PPME1: variants seen among roughly 807,000 people sequenced by gnomAD.
The protein encoded by PPME1 is protein phosphatase methylesterase 1, also known as testicular secretory protein Li 39.
PPME1 carries 17 observed loss-of-function variants against 56.9 expected under a neutral mutation model. That is an observed-to-expected ratio of 0.30 (90% CI 0.20 to 0.45). The LOEUF (loss-of-function observed/expected upper bound fraction) is 0.45. PPME1 is among the 20% of genes least tolerant of loss of function. The pLI is 1.00. For missense variants in PPME1, 357 were observed against 483.2 expected, an observed-to-expected ratio of 0.74 and a Z score of 2.45; for synonymous variants, 122 against 156.2, an observed-to-expected ratio of 0.78 and a Z score of 1.63.
Position 74,246,214 on chromosome 11 carries a change from A to T in PPME1, c.964+9A>T. ...ATTGCTGCTCTTGGCTGGTAAGTGT[A>T]TATGTGCATATATTAGTCAGCTCAG... On this transcript the variant is annotated intron_variant, in intron 10 of 13. Transcript: ENST00000328257. The T allele has an allele frequency of 6.5e-7, 1 of 1,546,702 alleles. No individual in the cohort carries two copies. The highest frequency in any genetic ancestry group is 8.7e-7 in the Non-Finnish European group (1 of 1,144,068).
At chr11:74,244,452 T>G (rs1178178475) in intron 9 of PPME1, among the ~76,000 whole-genome samples, 1 of 152,194 alleles carries the variant, frequency 6.6e-6, no homozygotes, top group Non-Finnish European at 1.5e-5. Flanking sequence ...TTGATAGTAG[T>G]CATCCTAATG....
chr11:74,235,745 A>G (rs76717847), intron 7 of PPME1, 156 bp from the exon 8 acceptor site: 6 of 1,168,346 alleles, frequency 5.1e-6, no homozygotes, highest in Non-Finnish European at 5.9e-6. Flanking sequence ...CCATGTAGCC[A>G]GGTGAGTAAT....
intron 8 of PPME1, chr11:74,238,057 CT>C (rs1859241518): frequency 6.6e-6 from 1 of 152,112 alleles, no homozygotes; most frequent in Non-Finnish European, 1.5e-5. Context: ...TGTGTATTAA[CT>C]GTCACATAGA....
In PPME1 at chr11:74,251,675, A is replaced by G. The variant is rs1859667604; in HGVS notation, c.1102A>G (p.Ile368Val). 6.2e-7 allele frequency: 1 copy of G among 1,613,762 alleles called. No individual in the cohort carries two copies. The highest frequency in any genetic ancestry group is 1.3e-5 in the African/African-American group (1 of 74,926). ...KVAEAVATFLIRHRFAEPIGG... is the reference protein window; with the variant it reads ...KVAEAVATFLVRHRFAEPIGG... ...AGCTGAAGCTGTTGCCACTTTCCTG[A>G]TCCGGCACAGGTTTGCAGAACCCAT... Residue 368 changes from isoleucine to valine, a missense_variant, in exon 13 of 14, where the codon ATC (isoleucine) becomes GTC (valine). Coordinates refer to ENST00000328257, the MANE Select transcript of PPME1 (RefSeq NM_016147.3).
intron 1 of PPME1, among the ~76,000 whole-genome samples, chr11:74,174,238 T>G (rs975062374): frequency 1.3e-5 from 2 of 152,180 alleles, no homozygotes; most frequent in East Asian, 3.8e-4. Context: ...TAAGGTACCC[T>G]AGAAGCTTAG....
Position 74,171,340 on chromosome 11 carries a change from C to T in PPME1, c.-82C>T. 1 of 1,522,808 alleles carries T rather than the reference C, an allele frequency of 6.6e-7. No individual in the cohort carries two copies. 94.3% of individuals were successfully genotyped at this position (1,522,808 alleles called of 1,614,324 possible). On this transcript the variant is annotated 5_prime_UTR_variant, in exon 1 of 14. Coordinates refer to ENST00000328257, the MANE Select transcript of PPME1 (RefSeq NM_016147.3). ...AGGCGACAGGGCGTCGTTAGGGGAG[C>T]GAGTCGTGACCGGTTGGGCCACACT...
At chr11:74,184,654 A>G (rs1857625538) in intron 1 of PPME1, among the ~76,000 whole-genome samples, 3 of 152,212 alleles carry the variant, frequency 2.0e-5, no homozygotes, top group Admixed American at 1.3e-4. Flanking sequence ...CCATCTAATT[A>G]TATTAACATG....
At chr11:74,218,120 A>G (rs967033586) in intron 3 of PPME1, among the ~76,000 whole-genome samples, 4 of 152,152 alleles carry the variant, frequency 2.6e-5, no homozygotes, top group African/African-American at 7.2e-5. Context: ...CAGCATTCTT[A>G]TATGCCAACA....
chr11:74,252,669 T>C, intron 13 of PPME1: 1 of 388,062 alleles, frequency 2.6e-6, no homozygotes, highest in Non-Finnish European at 5.3e-6. Context: ...TTTACCCACC[T>C]GATAACAGTA....
intron 1 of PPME1, among the ~76,000 whole-genome samples, chr11:74,186,005 A>G (rs984696723): frequency 2.6e-5 from 4 of 152,222 alleles, no homozygotes; most frequent in African/African-American, 9.6e-5. Context: ...GTTCTGCTTA[A>G]TGCAAGACAT....
chr11:74,219,236 A>G (rs1858734115), intron 3 of PPME1, among the ~76,000 whole-genome samples: 1 of 152,122 alleles, frequency 6.6e-6, no homozygotes, highest in Non-Finnish European at 1.5e-5. Flanking sequence ...AGGCAATAAC[A>G]AATGCTGGTG....
chr11:74,185,061 G>T (rs113380659), intron 1 of PPME1, among the ~76,000 whole-genome samples: 1 of 139,618 alleles, frequency 7.2e-6, no homozygotes, highest in Non-Finnish European at 1.5e-5. Flanking sequence ...GTGCAGTGGC[G>T]CAATCTCAGC....
chr11:74,212,472 T>C (rs1205658558), intron 3 of PPME1, among the ~76,000 whole-genome samples: 1 of 152,166 alleles, frequency 6.6e-6, no homozygotes, highest in Non-Finnish European at 1.5e-5. Context: ...TGTGCTGGTG[T>C]TGGAGCCAGT....
chr11:74,232,907 G>T lies in PPME1; in HGVS notation c.644+1905G>T, dbSNP rs557110699. ...TGTAGAGACAGGGTTTTATCATGTT[G>T]GCTCGACTGGTCTTGAACTCCTGAG... On this transcript the variant is annotated intron_variant, in intron 7 of 13. Coordinates refer to ENST00000328257, the MANE Select transcript of PPME1 (RefSeq NM_016147.3). 1.3e-4 allele frequency among the ~76,000 whole-genome samples: 13 copies of T among 103,864 alleles called. No homozygotes were observed. The South Asian group carries it at 3.2e-3, about 26-fold the overall frequency. The allele number at this position is 103,864 out of a possible 152,430, so 68.1% of individuals were successfully genotyped here. A position where few individuals can be genotyped will look rare whatever the true frequency, so the allele number is the denominator to read the frequency against.
At chr11:74,222,664 T>C in intron 4 of PPME1, 1 of 336,572 alleles carries the variant, frequency 3.0e-6, no homozygotes, top group Admixed American at 4.2e-5. Flanking sequence ...AATTTTTGTA[T>C]TTTTAGTAGA....
At chr11:74,193,139 A>G (rs2135606233) in intron 1 of PPME1, among the ~76,000 whole-genome samples, 1 of 152,344 alleles carries the variant, frequency 6.6e-6, no homozygotes, top group Non-Finnish European at 1.5e-5. Flanking sequence ...TTTTCACTGT[A>G]TTAATGGTAT....
At chr11:74,200,183 TAAG>T (rs1858115478) in intron 1 of PPME1, among the ~76,000 whole-genome samples, 1 of 152,166 alleles carries the variant, frequency 6.6e-6, no homozygotes, top group Non-Finnish European at 1.5e-5. Context: ...AGGCATAAAA[TAAG>T]AAACTAAAGC....
chr11:74,184,156 CTAGTACATA>C (rs1240413563), intron 1 of PPME1, among the ~76,000 whole-genome samples: 1 of 152,110 alleles, frequency 6.6e-6, no homozygotes, highest in Non-Finnish European at 1.5e-5. Context: ...TATAAAGTGC[CTAGTACATA>C]TACATGTCTA....
At chr11:74,239,770 C>A (rs112924584) in intron 9 of PPME1, among the ~76,000 whole-genome samples, 1 of 151,196 alleles carries the variant, frequency 6.6e-6, no homozygotes, top group Non-Finnish European at 1.5e-5. Context: ...TTAGTAGAGA[C>A]GGGGTTTCAC....
Sources: allele counts gnomAD v4.1 joint callset (sites outside exome capture counted in the v4.1 genomes callset), GRCh38; gene constraint gnomAD v4.1.1; transcripts MANE v1.5; gene names NCBI Gene and HGNC (gene_info 2026-07-23, HGNC 2026-07-21).